The following PTPRN2 variants were observed in gnomAD, a reference collection of about 807,000 sequenced individuals.
PTPRN2 encodes protein tyrosine phosphatase receptor type N2, also known as receptor-type tyrosine-protein phosphatase N2.
PTPRN2 carries 74 observed loss-of-function variants against 118.8 expected under a neutral mutation model. The ratio of observed to expected loss-of-function variants is 0.62; its 90% CI spans 0.52 to 0.76. PTPRN2 has a LOEUF of 0.76. Ranked by LOEUF, PTPRN2 falls within the 30% of genes least tolerant of loss-of-function variation. PTPRN2 has a pLI of 0.00. For missense variants in PTPRN2, 1,481 were observed against 1,394.4 expected (o/e 1.06, Z -0.99); for synonymous variants, 641 against 608.0 (o/e 1.05, Z -0.80).
intron 3 of PTPRN2, among the ~76,000 whole-genome samples, chr7:158,262,699 CTG>C (rs1563054788): frequency 6.7e-6 from 1 of 150,220 alleles, no homozygotes; most frequent in African/African-American, 2.5e-5. Context: ...TTCACACACA[CTG>C]CACAGATTCA....
chr7:157,758,934 T>C (rs1801973208), intron 12 of PTPRN2, among the ~76,000 whole-genome samples: 1 of 152,230 alleles, frequency 6.6e-6, no homozygotes, highest in South Asian at 2.1e-4. Flanking sequence ...TCCAGCCACG[T>C]CAGGCCATTG....
chr7:157,694,301 G>T (rs1028595818), intron 12 of PTPRN2, among the ~76,000 whole-genome samples: 9 of 152,198 alleles, frequency 5.9e-5, no homozygotes, highest in African/African-American at 2.2e-4. Flanking sequence ...TTCCATGCGG[G>T]TTCACCAGCA....
chr7:158,396,111 C>T (rs889049552), intron 2 of PTPRN2, among the ~76,000 whole-genome samples: 1 of 152,174 alleles, frequency 6.6e-6, no homozygotes, highest in African/African-American at 2.4e-5. Context: ...GCAGAGGCAG[C>T]GAAGGCCGGG....
chr7:157,543,060 C>T (rs181983634), intron 22 of PTPRN2, among the ~76,000 whole-genome samples: 156 of 152,250 alleles, frequency 1.0e-3, no homozygotes, highest in South Asian at 3.1e-3. Flanking sequence ...CTCTAGATCC[C>T]GGGTAGGCTG....
intron 21 of PTPRN2, among the ~76,000 whole-genome samples, chr7:157,563,254 A>C (rs1439598374): frequency 1.5e-5 from 2 of 130,598 alleles, no homozygotes; most frequent in East Asian, 2.5e-4. Context: ...CACCACACAC[A>C]GCAGATCAGG....
intron 2 of PTPRN2, among the ~76,000 whole-genome samples, chr7:158,327,550 GTT>G (rs1259353936): frequency 1.3e-5 from 2 of 152,026 alleles, no homozygotes; most frequent in Non-Finnish European, 2.9e-5. Flanking sequence ...CACACTATCT[GTT>G]CTCACATGCT....
chr7:158,105,912 C>T (rs1362416849), intron 10 of PTPRN2, among the ~76,000 whole-genome samples: 1 of 151,768 alleles, frequency 6.6e-6, no homozygotes, highest in Non-Finnish European at 1.5e-5. Flanking sequence ...ATCACTACTC[C>T]ATCTCATCTC....
At chr7:158,018,648 G>A (rs114695216) in intron 11 of PTPRN2, among the ~76,000 whole-genome samples, 2,427 of 152,208 alleles carry the variant, frequency 0.016, 69 homozygotes, top group African/African-American at 0.055. Flanking sequence ...CAAACGTTCA[G>A]TTTGTTTCTC....
At chr7:158,209,820 C>T (rs1259350378) in intron 3 of PTPRN2, among the ~76,000 whole-genome samples, 4 of 152,092 alleles carry the variant, frequency 2.6e-5, no homozygotes, top group South Asian at 2.1e-4. Flanking sequence ...TTTAAAAATT[C>T]AAAAACAAAC....
intron 12 of PTPRN2, among the ~76,000 whole-genome samples, chr7:157,855,298 G>A (rs546262079): frequency 6.6e-6 from 1 of 152,256 alleles, no homozygotes; most frequent in African/African-American, 2.4e-5. Flanking sequence ...CAACCCACGC[G>A]CCGGCTTCTC....
rs1448517681 is a variant in PTPRN2, at chr7:158,312,427, C to T, written c.277+4392G>A. Among the ~76,000 whole-genome samples the T allele has an allele frequency of 7.8e-5, 11 of 141,288 alleles. 1 individual carries two copies. In the South Asian group the frequency reaches 1.6e-3, roughly 20 times the overall value. The allele number at this position is 141,288 out of a possible 152,430, so 92.7% of individuals were successfully genotyped here. ...ATGCTCACATGTAGACATACACACA[C>T]ATGCACACACCCCTGCGCACTCATT... On this transcript the variant is annotated intron_variant, in intron 3 of 22. Coordinates refer to ENST00000389418, the MANE Select transcript of PTPRN2 (RefSeq NM_002847.5).
At chr7:157,833,184 C>T (rs1017272720) in intron 12 of PTPRN2, among the ~76,000 whole-genome samples, 5 of 137,674 alleles carry the variant, frequency 3.6e-5, no homozygotes, top group African/African-American at 1.1e-4. Context: ...ACGTGGCCAG[C>T]GCCCATCCAT....
At chr7:158,523,034 G>C (rs1253617118) in intron 1 of PTPRN2, among the ~76,000 whole-genome samples, 1 of 152,212 alleles carries the variant, frequency 6.6e-6, no homozygotes, top group Non-Finnish European at 1.5e-5. Context: ...CTTAGATTTA[G>C]GGATTGTCAG....
chr7:157,853,596 G>A (rs1395013153), intron 12 of PTPRN2, among the ~76,000 whole-genome samples: 1 of 152,124 alleles, frequency 6.6e-6, no homozygotes, highest in South Asian at 2.1e-4. Context: ...CCTGACCTTG[G>A]AGCAGACAAG....
intron 3 of PTPRN2, among the ~76,000 whole-genome samples, chr7:158,233,763 A>T (rs952270052): frequency 1.3e-5 from 2 of 152,254 alleles, no homozygotes; most frequent in Non-Finnish European, 2.9e-5. Context: ...GTACTGGCAT[A>T]AAAACAGACA....
At position 157,621,123 on chromosome 7, in the gene PTPRN2, C is replaced by A. The variant is rs548991394; in HGVS notation, c.2344+239G>T. ...GTACAGGTCAGCACGGCCAGTTTCC[C>A]CCTCCTGTAACCCAGTCCTCCCGCC... On this transcript the variant is annotated intron_variant, in intron 15 of 22. Transcript: ENST00000389418. 0.18 allele frequency among the ~76,000 whole-genome samples: 11,164 copies of A among 63,428 alleles called. 979 individuals carry two copies. Among genetic ancestry groups the A allele is most frequent in the Non-Finnish European group, 0.23 (6,319 of 27,230 alleles). The allele number at this position is 63,428 out of a possible 152,430, so 41.6% of individuals were successfully genotyped here.
At chr7:158,355,685 AC>A (rs1306682674) in intron 2 of PTPRN2, among the ~76,000 whole-genome samples, 2 of 152,234 alleles carry the variant, frequency 1.3e-5, no homozygotes, top group Middle Eastern at 3.4e-3. Flanking sequence ...ACTCTGCAGA[AC>A]TACACTGGCT....
chr7:158,518,049 T>C (rs530596687), intron 1 of PTPRN2, among the ~76,000 whole-genome samples: 25 of 152,304 alleles, frequency 1.6e-4, no homozygotes, highest in African/African-American at 6.0e-4. Context: ...TCTCGCCAAC[T>C]GCATTGTGAT....
intron 11 of PTPRN2, among the ~76,000 whole-genome samples, chr7:157,948,873 T>C (rs4716823): frequency 6.6e-6 from 1 of 151,570 alleles, no homozygotes; most frequent in African/African-American, 2.4e-5. Flanking sequence ...GTTTGAATCA[T>C]GCAGGTCCAC....
Sources: gnomAD v4.1 joint callset for allele counts (sites outside exome capture counted in the v4.1 genomes callset) on GRCh38, gnomAD v4.1.1 for gene constraint, MANE v1.5 for transcripts, NCBI Gene and HGNC (gene_info 2026-07-23, HGNC 2026-07-21) for gene names.